Variants in PEMT observed in about 807,000 individuals in gnomAD.
PEMT encodes phosphatidylethanolamine N-methyltransferase.
Under a neutral mutation model 27.4 loss-of-function variants are expected in PEMT, and 23 were observed. The ratio of observed to expected loss-of-function variants is 0.84; its 90% CI spans 0.60 to 1.19. The LOEUF (loss-of-function observed/expected upper bound fraction) is 1.19, where lower values mean the gene tolerates loss of function less well. Ranked by LOEUF, PEMT falls within the 50% of genes most tolerant of loss-of-function variation. PEMT has a pLI of 0.00. For synonymous variants in PEMT, 137 were observed against 139.1 expected, an observed-to-expected ratio of 0.98 and a Z score of 0.11; for missense variants, 307 against 310.1, an observed-to-expected ratio of 0.99 and a Z score of 0.07.
At chr17:17,547,130 C>G (rs551133583) in intron 2 of PEMT, among the ~76,000 whole-genome samples, 16 of 152,370 alleles carry the variant, frequency 1.1e-4, no homozygotes, top group African/African-American at 3.6e-4. Flanking sequence ...TTAATTCAAT[C>G]AGAAATAATT....
At chr17:17,545,154 A>G (rs903416990) in intron 2 of PEMT, among the ~76,000 whole-genome samples, 1 of 152,214 alleles carries the variant, frequency 6.6e-6, no homozygotes, top group Non-Finnish European at 1.5e-5. Context: ...TCTAGGAATC[A>G]TGGCGTGTTG....
intron 5 of PEMT, 52 bp from the exon 6 acceptor site, chr17:17,506,353 C>A: frequency 1.5e-6 from 2 of 1,346,660 alleles, no homozygotes; most frequent in Non-Finnish European, 2.1e-6. Flanking sequence ...TCTCTCAGGG[C>A]CACGGCCCAC....
At chr17:17,507,533 A>T in intron 5 of PEMT, 1 of 329,958 alleles carries the variant, frequency 3.0e-6, no homozygotes, top group Non-Finnish European at 5.6e-6. Context: ...CCCAGGCTCC[A>T]ACCCCAGGCC....
At chr17:17,541,119 G>A (rs1024097766) in intron 2 of PEMT, among the ~76,000 whole-genome samples, 2 of 152,204 alleles carry the variant, frequency 1.3e-5, no homozygotes, top group Non-Finnish European at 2.9e-5. Flanking sequence ...CCAACAGACA[G>A]GATTGTTGCT....
At chr17:17,562,880 C>G (rs117561479) in intron 2 of PEMT, among the ~76,000 whole-genome samples, 9 of 152,290 alleles carry the variant, frequency 5.9e-5, no homozygotes, top group South Asian at 2.1e-4. Context: ...ATTTCCCCAT[C>G]CCCCTGCCCC....
In PEMT at chr17:17,561,116, C is replaced by A. The variant is rs975821921; in HGVS notation, c.204+15804G>T. On this transcript the variant is annotated intron_variant, in intron 2 of 6. Transcript: ENST00000255389. This position sits in a 1 kb window ranked among gnomAD's most constrained non-coding sequence, Gnocchi z 4.5. Reference sequence around the variant, plus strand: ...AGGGAGTCTCACATGATGGGCAGGACCCACACACACCACAGTCATCAAACA... The same window carrying A: ...AGGGAGTCTCACATGATGGGCAGGAACCACACACACCACAGTCATCAAACA... 6.6e-6 allele frequency among the ~76,000 whole-genome samples: 1 copy of A among 152,066 alleles called. No individual in the cohort carries two copies. Among genetic ancestry groups the A allele is most frequent in the Non-Finnish European group, 1.5e-5 (1 of 68,032 alleles).
upstream of PEMT, chr17:17,591,945 C>T: frequency 1.0e-5 from 10 of 985,446 alleles, no homozygotes; most frequent in Non-Finnish European, 1.2e-5. Flanking sequence ...CGCCGGCTGC[C>T]GCACCCGAGC....
At chr17:17,566,005 C>A (rs4646361) in intron 2 of PEMT, among the ~76,000 whole-genome samples, 2 of 152,166 alleles carry the variant, frequency 1.3e-5, no homozygotes, top group African/African-American at 4.8e-5. Context: ...CTTGTTGCAC[C>A]TCTGAGCAAA....
At chr17:17,537,941 A>G (rs1908600884) in intron 2 of PEMT, among the ~76,000 whole-genome samples, 1 of 152,158 alleles carries the variant, frequency 6.6e-6, no homozygotes, top group South Asian at 2.1e-4. Flanking sequence ...CTCACGTCCA[A>G]CCTGCCACCT....
intron 3 of PEMT, among the ~76,000 whole-genome samples, 164 bp downstream of exon 3, chr17:17,522,116 C>T (rs70959700): frequency 0.01 from 1,546 of 152,248 alleles, 24 homozygotes; most frequent in African/African-American, 0.034. Flanking sequence ...AGAGTCTAAA[C>T]GGCTGGGAGG....
At chr17:17,584,738 G>A (rs550780217) in intron 1 of PEMT, among the ~76,000 whole-genome samples, 5 of 152,308 alleles carry the variant, frequency 3.3e-5, no homozygotes, top group African/African-American at 7.2e-5. Context: ...ACCTTCACTC[G>A]GAAGTGAACC....
At chr17:17,548,239 T>C (rs897724589) in intron 2 of PEMT, among the ~76,000 whole-genome samples, 2 of 152,238 alleles carry the variant, frequency 1.3e-5, no homozygotes, top group Non-Finnish European at 2.9e-5. Context: ...CCAGCCTGGC[T>C]CTAGGTGAGG....
At chr17:17,550,483 C>T (rs746007339) in intron 2 of PEMT, among the ~76,000 whole-genome samples, 5 of 152,176 alleles carry the variant, frequency 3.3e-5, no homozygotes, top group African/African-American at 7.2e-5. Flanking sequence ...CCCTTCCCCC[C>T]ACTCCCCGCA....
chr17:17,585,986 A>G lies in PEMT; in HGVS notation c.96+5545T>C, dbSNP rs570931532. Among the ~76,000 whole-genome samples, 4 of 151,078 alleles carry G rather than the reference A, an allele frequency of 2.6e-5. No individual in the cohort carries two copies. The East Asian group carries it at 7.8e-4, about 30-fold the overall frequency. On this transcript the variant is annotated intron_variant, in intron 1 of 6. Transcript: ENST00000255389. ...TAGTCCCAGCTACTCGGGAGGCTGAAGCAGGAGAATGGCGTGAACCCGGGA... is the reference window on the plus strand; with the variant it reads ...TAGTCCCAGCTACTCGGGAGGCTGAGGCAGGAGAATGGCGTGAACCCGGGA...
At chr17:17,545,178 G>A (rs1370343552) in intron 2 of PEMT, among the ~76,000 whole-genome samples, 1 of 152,190 alleles carries the variant, frequency 6.6e-6, no homozygotes, top group African/African-American at 2.4e-5. Flanking sequence ...GGGGCAGCCG[G>A]GACCTCAGTT....
chr17:17,589,625 A>T (rs1597973949), intron 1 of PEMT, among the ~76,000 whole-genome samples: 1 of 152,218 alleles, frequency 6.6e-6, no homozygotes, highest in African/African-American at 2.4e-5. Flanking sequence ...GAGATCCTGC[A>T]GCTCAGACGC....
rs935730160 is a variant in PEMT, at chr17:17,591,680, C to T, written c.-54G>A. The T allele has an allele frequency of 6.4e-7, 1 of 1,571,344 alleles. No individual in the cohort carries two copies. The highest frequency in any genetic ancestry group is 8.6e-7 in the Non-Finnish European group (1 of 1,158,774). ...GGGCCCCGCTGCAGCCACGCGCCCC[C>T]GGAACCGGACCTATAGAGCCGGGTA... is the stretch of plus-strand genomic sequence containing the variant. On this transcript the variant is annotated 5_prime_UTR_variant, in exon 1 of 7. Coordinates refer to ENST00000255389, the MANE Select transcript of PEMT (RefSeq NM_148172.3).
intron 3 of PEMT, among the ~76,000 whole-genome samples, chr17:17,520,943 C>A (rs889669983): frequency 2.6e-5 from 4 of 152,252 alleles, no homozygotes; most frequent in Non-Finnish European, 5.9e-5. Flanking sequence ...GCCTAGGCCA[C>A]CCTCGGTGAG....
At chr17:17,562,067 G>A (rs569154190) in intron 2 of PEMT, among the ~76,000 whole-genome samples, 1 of 152,318 alleles carries the variant, frequency 6.6e-6, no homozygotes, top group African/African-American at 2.4e-5. Context: ...CATTGGAGTC[G>A]GCCGTGCTGC....
Sources: gnomAD v4.1 joint callset for allele counts (sites outside exome capture counted in the v4.1 genomes callset) on GRCh38, gnomAD v4.1.1 for gene constraint, Gnocchi (gnomAD v3.1) non-coding constraint, MANE v1.5 for transcripts, NCBI Gene and HGNC (gene_info 2026-07-23, HGNC 2026-07-21) for gene names.